GABRB1: variants seen among roughly 807,000 people sequenced by gnomAD.
GABRB1 encodes the protein gamma-aminobutyric acid receptor subunit beta-1.
In GABRB1, 17 loss-of-function variants were observed where a neutral mutation model predicts 51.6. The observed-to-expected ratio is 0.33, with a 90% CI of 0.23 to 0.49. GABRB1 has a LOEUF of 0.49. GABRB1 is among the 20% of genes least tolerant of loss of function. The probability of loss-of-function intolerance (pLI) is 0.99; values close to 1 mark genes in which losing one functional copy is unlikely to be tolerated. For synonymous variants in GABRB1, 247 were observed against 218.9 expected (o/e 1.13, Z -1.14); for missense variants, 410 against 600.6 (o/e 0.68, Z 3.32).
At chr4:47,151,861 T>C (rs1717474851) in intron 3 of GABRB1, among the ~76,000 whole-genome samples, 3 of 152,008 alleles carry the variant, frequency 2.0e-5, no homozygotes, top group East Asian at 1.9e-4. Context: ...TTTCACTGAA[T>C]AGAGATCAGT....
intron 4 of GABRB1, among the ~76,000 whole-genome samples, chr4:47,240,708 G>T (rs759630306): frequency 6.6e-6 from 1 of 152,168 alleles, no homozygotes; most frequent in African/African-American, 2.4e-5. Flanking sequence ...CAGTACCTCA[G>T]TACTCTGATA....
chr4:47,305,584 A>G (rs780477325), intron 4 of GABRB1, among the ~76,000 whole-genome samples: 6 of 152,168 alleles, frequency 3.9e-5, no homozygotes, highest in Non-Finnish European at 7.4e-5. Flanking sequence ...CCATCTGTTC[A>G]GGTGGAAGTC....
At chr4:47,393,908 T>C (rs1234033843) in intron 5 of GABRB1, among the ~76,000 whole-genome samples, 1 of 152,236 alleles carries the variant, frequency 6.6e-6, no homozygotes. Context: ...GTAGGTGTAT[T>C]GCAACGTCAA....
chr4:47,205,762 G>A (rs1437567690), intron 4 of GABRB1, among the ~76,000 whole-genome samples: 1 of 152,048 alleles, frequency 6.6e-6, no homozygotes, highest in East Asian at 1.9e-4. Flanking sequence ...CACTTACTGA[G>A]TCAGGAAAGA....
rs192822769 is a variant in GABRB1 at position 47,320,610 on chromosome 4, T to C, written c.544+401T>C. On this transcript the variant is annotated intron_variant, in intron 5 of 8. Coordinates refer to ENST00000295454, the MANE Select transcript of GABRB1 (RefSeq NM_000812.4). ...AGAAAAACATTATGTTGGTGTCTTG[T>C]GTGAATAATGTGTCTTTCCTCATGA... Among the ~76,000 whole-genome samples, 515 of 152,300 alleles carry C rather than the reference T, an allele frequency of 3.4e-3. 2 individuals are homozygous for C. Among genetic ancestry groups the C allele is most frequent in the Non-Finnish European group, 6.1e-3 (415 of 68,026 alleles).
chr4:47,406,332 G>A (rs1193225272), intron 7 of GABRB1, among the ~76,000 whole-genome samples: 4 of 152,204 alleles, frequency 2.6e-5, no homozygotes, highest in African/African-American at 9.7e-5. Context: ...CTGAGAAAAG[G>A]AAGAAAGATG....
chr4:47,040,782 G>T (rs1340109424), intron 3 of GABRB1, among the ~76,000 whole-genome samples: 1 of 152,114 alleles, frequency 6.6e-6, no homozygotes, highest in Non-Finnish European at 1.5e-5. Flanking sequence ...GTTAGAGATA[G>T]GGAGAAAGGG....
intron 4 of GABRB1, among the ~76,000 whole-genome samples, chr4:47,178,091 T>C (rs959512612): frequency 2.0e-5 from 3 of 152,108 alleles, no homozygotes; most frequent in Admixed American, 6.6e-5. Flanking sequence ...GTCAGTTATA[T>C]GACCTTGGGC....
chr4:47,408,080 A>G (rs181884683), intron 8 of GABRB1, among the ~76,000 whole-genome samples: 1 of 152,348 alleles, frequency 6.6e-6, no homozygotes, highest in Non-Finnish European at 1.5e-5. Flanking sequence ...TGACAGAGTG[A>G]GACCCTGTCT....
chr4:47,241,637 C>T (rs193100527), intron 4 of GABRB1, among the ~76,000 whole-genome samples: 4 of 152,288 alleles, frequency 2.6e-5, no homozygotes, highest in Admixed American at 2.0e-4. Flanking sequence ...TATAACCATC[C>T]CCATAGGGAA....
chr4:47,410,460 C>G (rs1578153242), intron 8 of GABRB1, among the ~76,000 whole-genome samples: 1 of 152,096 alleles, frequency 6.6e-6, no homozygotes, highest in East Asian at 1.9e-4. Flanking sequence ...CAGCTTTTCC[C>G]CTGAAGCCAT....
intron 5 of GABRB1, among the ~76,000 whole-genome samples, chr4:47,328,455 G>C (rs1441309013): frequency 6.6e-6 from 1 of 152,164 alleles, no homozygotes; most frequent in Non-Finnish European, 1.5e-5. Context: ...CTGCTATAAA[G>C]ACACATGCAC....
At chr4:47,160,795 T>G (rs1055960370) in intron 3 of GABRB1, among the ~76,000 whole-genome samples, 3 of 151,790 alleles carry the variant, frequency 2.0e-5, no homozygotes, top group African/African-American at 7.3e-5. Flanking sequence ...ACTAATTATA[T>G]ATTTTTTTAG....
chr4:47,127,392 T>C (rs2109665013), intron 3 of GABRB1, among the ~76,000 whole-genome samples: 1 of 152,008 alleles, frequency 6.6e-6, no homozygotes, highest in Admixed American at 6.5e-5. Flanking sequence ...AATATTTGGA[T>C]ATAAAAATAT....
chr4:47,257,732 C>T (rs1722271550), intron 4 of GABRB1, among the ~76,000 whole-genome samples: 1 of 151,750 alleles, frequency 6.6e-6, no homozygotes, highest in Non-Finnish European at 1.5e-5. Context: ...ATTCTTTGGC[C>T]TCTTTACCAG....
intron 3 of GABRB1, among the ~76,000 whole-genome samples, chr4:47,133,730 T>C (rs1269979850): frequency 6.6e-6 from 1 of 152,200 alleles, no homozygotes; most frequent in Non-Finnish European, 1.5e-5. Context: ...ACAGAAATAA[T>C]GCTGTGTTCT....
intron 5 of GABRB1, among the ~76,000 whole-genome samples, chr4:47,358,724 CAACATATG>C (rs1300129315): frequency 6.6e-6 from 1 of 152,050 alleles, no homozygotes; most frequent in East Asian, 1.9e-4. Flanking sequence ...GTTAGAACTC[CAACATATG>C]AATTTAGCGG....
Position 47,109,804 on chromosome 4 carries a change from T to C in GABRB1, c.241-51445T>C, listed in dbSNP as rs1459089165. Among the ~76,000 whole-genome samples the C allele has an allele frequency of 3.9e-5, 6 of 152,254 alleles. 1 individual carries two copies. The highest frequency in any genetic ancestry group is 3.3e-4 in the Admixed American group (5 of 15,284). ...TTGAAATTTCCTGGAGTAGTTCTTT[T>C]CTGATCTTTTGAGAAGTCTATTTCT... On this transcript the variant is annotated intron_variant, in intron 3 of 8. Coordinates refer to ENST00000295454, the MANE Select transcript of GABRB1 (RefSeq NM_000812.4).
chr4:47,185,384 T>C (rs1349156387), intron 4 of GABRB1, among the ~76,000 whole-genome samples: 9 of 151,880 alleles, frequency 5.9e-5, no homozygotes. Context: ...GACCCAAGAC[T>C]ACTGCTTCTT....
Sources: allele counts gnomAD v4.1 joint callset (sites outside exome capture counted in the v4.1 genomes callset), GRCh38; gene constraint gnomAD v4.1.1; transcripts MANE v1.5; gene names NCBI Gene and HGNC (gene_info 2026-07-23, HGNC 2026-07-21).